Variants in CERS6 observed in about 807,000 individuals in gnomAD.
CERS6 encodes ceramide synthase 6, also known as LAG1 homolog, ceramide synthase 6.
In CERS6, 26 loss-of-function variants were observed where a neutral mutation model predicts 56.8. That is an observed-to-expected ratio of 0.46 (90% CI 0.34 to 0.63). The LOEUF is 0.63. CERS6 is among the 30% of genes least tolerant of loss of function. The pLI, the probability that CERS6 is intolerant of heterozygous loss-of-function variation, is 0.01. For missense variants in CERS6, 415 were observed against 467.5 expected (o/e 0.89, Z 1.04); for synonymous variants, 164 against 173.3 (o/e 0.95, Z 0.42).
chr2:168,484,346 T>C (rs1431705158), intron 1 of CERS6, among the ~76,000 whole-genome samples: 2 of 151,912 alleles, frequency 1.3e-5, no homozygotes, highest in Non-Finnish European at 2.9e-5. Context: ...CATGCCCGGC[T>C]AATTTTGTAT....
chr2:168,615,839 G>A (rs536452291), intron 3 of CERS6, among the ~76,000 whole-genome samples: 9 of 152,272 alleles, frequency 5.9e-5, no homozygotes, highest in Admixed American at 2.0e-4. Flanking sequence ...TGCTAGAGCC[G>A]TAGACATCCA....
chr2:168,710,214 T>G (rs186697698), intron 6 of CERS6, among the ~76,000 whole-genome samples: 130 of 152,350 alleles, frequency 8.5e-4, no homozygotes, highest in Non-Finnish European at 1.6e-3. Context: ...TGTTTACTGA[T>G]GTTATATCAG....
intron 6 of CERS6, among the ~76,000 whole-genome samples, chr2:168,713,936 C>T (rs938910641): frequency 6.6e-6 from 1 of 152,008 alleles, no homozygotes; most frequent in African/African-American, 2.4e-5. Flanking sequence ...CAATCACCCC[C>T]GTCTTAATCC....
intron 4 of CERS6, among the ~76,000 whole-genome samples, chr2:168,656,897 C>G (rs959010308): frequency 9.2e-5 from 14 of 152,208 alleles, no homozygotes; most frequent in South Asian, 6.2e-4. Flanking sequence ...GGTTCTCCAC[C>G]TCCCCATCAG....
intron 6 of CERS6, among the ~76,000 whole-genome samples, chr2:168,708,567 A>C (rs1426858936): frequency 6.6e-6 from 1 of 152,140 alleles, no homozygotes; most frequent in Non-Finnish European, 1.5e-5. Context: ...ACAGTCTGAA[A>C]ATCAGTTCAT....
intron 1 of CERS6, among the ~76,000 whole-genome samples, chr2:168,545,383 T>C (rs1049790557): frequency 2.0e-5 from 3 of 152,210 alleles, no homozygotes; most frequent in African/African-American, 7.2e-5. Flanking sequence ...GTCAATTAAG[T>C]GGTATGCTGT....
Position 168,773,118 on chromosome 2 carries a change from C to G in CERS6, c.*3456C>G, listed in dbSNP as rs1025386158. 2.6e-5 allele frequency: 4 copies of G among 152,164 alleles called. No individual in the cohort carries two copies. The South Asian group carries it at 8.3e-4, about 32-fold the overall frequency. 9.4% of individuals were successfully genotyped at this position (152,164 alleles called of 1,614,324 possible). On this transcript the variant is annotated 3_prime_UTR_variant, in exon 10 of 10. Transcript: ENST00000305747. ...CCTGAGTTCGCTTTAAAGAGCTTTT[C>G]AAAGAGAGCTTTATAGACACCCACA...
At chr2:168,548,556 C>T (rs1246983995) in intron 2 of CERS6, among the ~76,000 whole-genome samples, 1 of 152,168 alleles carries the variant, frequency 6.6e-6, no homozygotes, top group Non-Finnish European at 1.5e-5. Flanking sequence ...ATTGTGTGTT[C>T]ATATATTAAA....
In CERS6 at chr2:168,588,036, C is replaced by T. The variant is rs78404311; in HGVS notation, c.407+26714C>T. Among the ~76,000 whole-genome samples, 222 of 151,470 alleles carry T rather than the reference C, an allele frequency of 1.5e-3. 6 individuals carry two copies. In the East Asian group the frequency reaches 0.035, roughly 24 times the overall value. ...CGACCTTCTGGGCTCAGTGATCCTCCGGCCTCAGCTCAGACTGAAGATGTA... is the reference window on the plus strand; with the variant it reads ...CGACCTTCTGGGCTCAGTGATCCTCTGGCCTCAGCTCAGACTGAAGATGTA... On this transcript the variant is annotated intron_variant, in intron 3 of 9. Coordinates refer to ENST00000305747, the MANE Select transcript of CERS6 (RefSeq NM_203463.3).
intron 1 of CERS6, among the ~76,000 whole-genome samples, chr2:168,527,515 A>G (rs906610389): frequency 6.6e-6 from 1 of 152,130 alleles, no homozygotes; most frequent in Non-Finnish European, 1.5e-5. Flanking sequence ...GTAGTTTGCA[A>G]AGAATTAAAT....
chr2:168,732,558 C>G (rs1022746301), intron 8 of CERS6, among the ~76,000 whole-genome samples: 32 of 152,190 alleles, frequency 2.1e-4, no homozygotes, highest in African/African-American at 6.8e-4. Flanking sequence ...TCTCTCTTCT[C>G]CTGAGCACAC....
chr2:168,506,720 T>C (rs2105348159), intron 1 of CERS6, among the ~76,000 whole-genome samples: 1 of 152,288 alleles, frequency 6.6e-6, no homozygotes, highest in African/African-American at 2.4e-5. Context: ...ATTGGCAGGC[T>C]AGAGATGTAG....
At position 168,593,014 on chromosome 2, in the gene CERS6, C is replaced by G. The variant is rs147198997; in HGVS notation, c.407+31692C>G. 2.3e-3 allele frequency among the ~76,000 whole-genome samples: 353 copies of G among 152,288 alleles called. 1 individual carries two copies. The highest frequency in any genetic ancestry group is 7.9e-3 in the African/African-American group (327 of 41,560). ...TACAGGAGAGTTTGTTCCCTGGCCT[C>G]TTCTAGTTTAATCTAGAGTCCACCT... On this transcript the variant is annotated intron_variant, in intron 3 of 9. Transcript: ENST00000305747.
chr2:168,558,425 T>C (rs1226466003), intron 2 of CERS6, among the ~76,000 whole-genome samples: 1 of 152,156 alleles, frequency 6.6e-6, no homozygotes, highest in Non-Finnish European at 1.5e-5. Flanking sequence ...GGGTGTTCTA[T>C]ATATAGTGAA....
At chr2:168,602,111 T>C (rs1683947198) in intron 3 of CERS6, among the ~76,000 whole-genome samples, 1 of 152,204 alleles carries the variant, frequency 6.6e-6, no homozygotes. Context: ...TCAGCAGTAA[T>C]AGAAGAAGTG....
chr2:168,535,442 G>A (rs1383929054), intron 1 of CERS6, among the ~76,000 whole-genome samples: 1 of 152,092 alleles, frequency 6.6e-6, no homozygotes, highest in Non-Finnish European at 1.5e-5. Context: ...CCTTGGTTGG[G>A]GGGAGAGGGT....
chr2:168,527,736 T>C (rs1695095524), intron 1 of CERS6, among the ~76,000 whole-genome samples: 1 of 152,102 alleles, frequency 6.6e-6, no homozygotes, highest in African/African-American at 2.4e-5. Context: ...ATCCATTTTT[T>C]TGGATTTAGA....
At position 168,480,910 on chromosome 2, in the gene CERS6, G is replaced by C. The variant is rs1281248507; in HGVS notation, c.170+24292G>C. 3.3e-5 allele frequency among the ~76,000 whole-genome samples: 5 copies of C among 152,334 alleles called. No individual in the cohort carries two copies. The East Asian group carries it at 7.7e-4, about 23-fold the overall frequency. On this transcript the variant is annotated intron_variant, in intron 1 of 9. Coordinates refer to ENST00000305747, the MANE Select transcript of CERS6 (RefSeq NM_203463.3). ...CATAAATTGTGGATAGAAGTCTTGA[G>C]TAGCATGGGGAGTCCATGTTAGAAA...
intron 8 of CERS6, among the ~76,000 whole-genome samples, chr2:168,739,667 T>G (rs937093722): frequency 1.3e-5 from 2 of 152,210 alleles, no homozygotes; most frequent in African/African-American, 4.8e-5. Context: ...TTTATTTTTT[T>G]GCTAAGCATA....
Sources: allele counts gnomAD v4.1 joint callset (sites outside exome capture counted in the v4.1 genomes callset), GRCh38; gene constraint gnomAD v4.1.1; transcripts MANE v1.5; gene names NCBI Gene and HGNC (gene_info 2026-07-23, HGNC 2026-07-21).